Variants in DEFB134 observed in about 807,000 individuals in gnomAD.
The protein encoded by DEFB134 is beta-defensin 134.
DEFB134 carries 7 observed loss-of-function variants against 7.4 expected under a neutral mutation model. That is an observed-to-expected ratio of 0.95 (90% CI 0.54 to 1.79). The LOEUF (loss-of-function observed/expected upper bound fraction) is 1.79, where lower values mean the gene tolerates loss of function less well. DEFB134 is among the 40% of genes most tolerant of loss of function. DEFB134 has a pLI of 0.00. For synonymous variants in DEFB134, 33 were observed against 25.0 expected (o/e 1.32, Z -0.96); for missense variants, 105 against 74.8 (o/e 1.40, Z -1.49).
At chr8:12,000,362 T>A (rs1462608408), upstream of DEFB134, among the ~76,000 whole-genome samples, 1 of 152,204 alleles carries the variant, frequency 6.6e-6, no homozygotes, top group Non-Finnish European at 1.5e-5. Context: ...GGGCTGAAAG[T>A]CTAGCAGGCC....
chr8:11,998,005 T>C (rs931205671), upstream of DEFB134, among the ~76,000 whole-genome samples: 1 of 152,148 alleles, frequency 6.6e-6, no homozygotes, highest in East Asian at 1.9e-4. Context: ...AAAGAACGCA[T>C]GCCAGTAACA....
In DEFB134 at chr8:11,994,550, G is replaced by A. The variant is rs193227845; in HGVS notation, c.59-428C>T. Among the ~76,000 whole-genome samples, 8 of 152,292 alleles carry A rather than the reference G, an allele frequency of 5.3e-5. No homozygotes were observed. In the East Asian group the frequency reaches 1.5e-3, roughly 29 times the overall value. On this transcript the variant is annotated intron_variant, in intron 1 of 1. Coordinates refer to ENST00000526438, the Ensembl canonical transcript of DEFB134. ...TGGATTTCTCATCTTCTGGAACTAT[G>A]AGAAAATAAAGTTTGTCTAAGCCAC...
chr8:11,997,676 C>T (rs1242696659), upstream of DEFB134, among the ~76,000 whole-genome samples: 1 of 152,128 alleles, frequency 6.6e-6, no homozygotes, highest in Non-Finnish European at 1.5e-5. Context: ...CTTAACAATC[C>T]TAAATATATA....
intron 1 of DEFB134, 50 bp downstream of exon 2, chr8:11,996,144 T>C (rs935707492): frequency 1.2e-6 from 2 of 1,605,116 alleles, no homozygotes; most frequent in African/African-American, 2.7e-5. Flanking sequence ...TTTAGTGGCA[T>C]TGTTCTTCTA....
intron 1 of DEFB134, among the ~76,000 whole-genome samples, chr8:11,995,268 C>A (rs1297723204): frequency 1.3e-5 from 2 of 152,126 alleles, no homozygotes; most frequent in African/African-American, 2.4e-5. Flanking sequence ...TGCCATAAAC[C>A]GTAATGGAAT....
chr8:11,993,198 C>T (rs1002245807), exon 2 of DEFB134: 1 of 152,198 alleles, frequency 6.6e-6, no homozygotes, highest in African/African-American at 2.4e-5. Flanking sequence ...TTATTAGTTA[C>T]ACATATAGCA....
chr8:11,995,612 C>T (rs73195062), intron 1 of DEFB134, among the ~76,000 whole-genome samples: 2,044 of 152,276 alleles, frequency 0.013, 23 homozygotes, highest in Non-Finnish European at 0.023. Flanking sequence ...TGAAACTAGC[C>T]GTTCTAAATC....
intron 1 of DEFB134, 105 bp downstream of exon 2, chr8:11,996,089 C>G: frequency 7.2e-7 from 1 of 1,379,416 alleles, no homozygotes; most frequent in Non-Finnish European, 1.0e-6. Context: ...TTTTTTCTAG[C>G]TTGAAAATTA....
chr8:11,998,266 T>C, upstream of DEFB134, among the ~76,000 whole-genome samples: 1 of 151,652 alleles, frequency 6.6e-6, no homozygotes, highest in Non-Finnish European at 1.5e-5. Flanking sequence ...TTGTGCAACA[T>C]GGTGGGACCC....
At chr8:11,993,991 G>A in exon 2 of DEFB134, 2 of 1,613,206 alleles carry the variant, frequency 1.2e-6, no homozygotes, top group Non-Finnish European at 1.7e-6. Context: ...CAGGGTGCAG[G>A]ATTTCCTTTG....
chr8:11,995,747 T>C (rs956314174), intron 1 of DEFB134, among the ~76,000 whole-genome samples: 1 of 152,198 alleles, frequency 6.6e-6, no homozygotes, highest in Middle Eastern at 3.2e-3. Context: ...CTTAGATACA[T>C]TCTTGAATTA....
upstream of DEFB134, chr8:11,996,382 T>C (rs1435616201): frequency 2.7e-5 from 25 of 925,872 alleles, no homozygotes; most frequent in East Asian, 6.6e-4. Context: ...TTCAGGTAGA[T>C]ATGCTACACT....
chr8:11,996,335 T>A (rs1435048463), upstream of DEFB134: 2 of 1,504,042 alleles, frequency 1.3e-6, no homozygotes, highest in Admixed American at 3.4e-5. Flanking sequence ...GAGCACACAG[T>A]CCTATACAAA....
chr8:11,999,505 A>G (rs1290356710), upstream of DEFB134: 2 of 152,480 alleles, frequency 1.3e-5, no homozygotes, highest in African/African-American at 4.8e-5. Flanking sequence ...AAAAACCCCA[A>G]GACCATTACA....
intron 1 of DEFB134, 120 bp downstream of exon 2, chr8:11,996,074 G>GA: frequency 1.6e-6 from 2 of 1,213,034 alleles, no homozygotes; most frequent in Non-Finnish European, 2.4e-6. Context: ...AAAACTAGTT[G>GA]ATGCTTTTTT....
chr8:11,996,227 C>A, exon 1 of DEFB134: 1 of 1,613,740 alleles, frequency 6.2e-7, no homozygotes, highest in Non-Finnish European at 8.5e-7. Flanking sequence ...AAAAGAAAGA[C>A]AAACACAACA....
chr8:11,994,096 G>T lies in DEFB134; in HGVS notation c.85C>A (p.His29Asn), dbSNP rs190803760. The T allele has an allele frequency of 9.9e-6, 16 of 1,613,030 alleles. No homozygotes were observed. The highest frequency in any genetic ancestry group is 6.7e-5 in the Admixed American group (4 of 59,842). The change falls in exon 2 of 2, where the codon CAC becomes AAC. Residue 29 changes from histidine to asparagine, a missense_variant. Physicochemically the swap from His to Asn is moderately conservative, Grantham distance 68. Coordinates refer to ENST00000526438, the Ensembl canonical transcript of DEFB134. ...ATGCCATTTTTATAGCATTTCTTGT[G>T]CATTTCTGATGATAATGAATTTATA...
upstream of DEFB134, among the ~76,000 whole-genome samples, chr8:11,998,798 G>T (rs1005704716): frequency 6.6e-6 from 1 of 152,050 alleles, no homozygotes; most frequent in Non-Finnish European, 1.5e-5. Context: ...TAGACTGCTA[G>T]CTAGACTAAA....
chr8:11,993,966 A>G (rs764168721), exon 2 of DEFB134: 2 of 1,609,676 alleles, frequency 1.2e-6, no homozygotes, highest in African/African-American at 2.7e-5. Context: ...GTGGCCATTC[A>G]TTGGTTTCTT....
Sources: gnomAD v4.1 joint callset for allele counts (sites outside exome capture counted in the v4.1 genomes callset) on GRCh38, gnomAD v4.1.1 for gene constraint, MANE v1.5 for transcripts, NCBI Gene and HGNC (gene_info 2026-07-23, HGNC 2026-07-21) for gene names.